The following ASCC2 variants were observed in gnomAD, a reference collection of about 807,000 sequenced individuals.
ASCC2 encodes ASC-1 complex subunit P100.
ASCC2 carries 42 observed loss-of-function variants against 93.5 expected under a neutral mutation model. The observed-to-expected ratio is 0.45, with a 90% CI of 0.35 to 0.58. The LOEUF is 0.58. ASCC2 is among the 20% of genes least tolerant of loss of function. ASCC2 has a pLI of 0.00. For synonymous variants in ASCC2, 364 were observed against 384.2 expected, an observed-to-expected ratio of 0.95 and a Z score of 0.62; for missense variants, 859 against 977.6, an observed-to-expected ratio of 0.88 and a Z score of 1.62.
At chr22:29,837,786 C>T (rs1264742710) in intron 1 of ASCC2, among the ~76,000 whole-genome samples, 1 of 152,240 alleles carries the variant, frequency 6.6e-6, no homozygotes, top group African/African-American at 2.4e-5. Context: ...ACCATCTCCT[C>T]CCACTAGACT....
In ASCC2 at chr22:29,802,178, C is replaced by A; in HGVS notation, c.1384G>T (p.Ala462Ser). Residue 462 changes from alanine to serine, a missense_variant, in exon 14 of 20, where the codon GCC becomes TCC. Physicochemically the swap from Ala to Ser is moderately conservative, Grantham distance 99. Transcript: ENST00000307790. ...GAGTCCAGTTCCACCCCACACATGG[C>A]AGGGCCCACAGCCGCGGCTGCTCCC... ...CMGAAAAVGP[A>S]MCGVELDSLI... 6.2e-7 allele frequency: 1 copy of A among 1,614,212 alleles called. No homozygotes were observed.
intron 13 of ASCC2, among the ~76,000 whole-genome samples, chr22:29,802,495 A>C (rs1247821334): frequency 1.3e-5 from 2 of 148,574 alleles, no homozygotes; most frequent in Non-Finnish European, 3.0e-5. Context: ...AAATAAACAA[A>C]AAAAAAAAAT....
At chr22:29,810,334 G>A (rs936436070) in intron 8 of ASCC2, 11 of 152,206 alleles carry the variant, frequency 7.2e-5, no homozygotes, top group African/African-American at 1.7e-4. Flanking sequence ...TCCCAAAGCC[G>A]GAACTGCAGC....
chr22:29,807,014 G>A (rs751325461), intron 9 of ASCC2, 110 bp from the exon 10 acceptor site: 31 of 768,096 alleles, frequency 4.0e-5, no homozygotes, highest in Non-Finnish European at 6.2e-5. Context: ...TGAGGTGGGA[G>A]GATCACTTGA....
chr22:29,798,882 T>C (rs1028475136), intron 15 of ASCC2, among the ~76,000 whole-genome samples: 3 of 152,230 alleles, frequency 2.0e-5, no homozygotes, highest in African/African-American at 7.2e-5. Flanking sequence ...GAATAAATAA[T>C]GAACACATGA....
chr22:29,801,047 C>T lies in ASCC2; in HGVS notation c.1632G>A (p.Glu544=), dbSNP rs200961044. ...TSRHNVFQND[E]FDVFSRDSVD... ...CTGAGTCCCTGCTGAACACATCAAA[C>T]TCGTCATTCTGGAAGACGTTGTGGC... Residue 544 remains glutamate (E), a synonymous_variant, in exon 15 of 20, where the codon GAG becomes GAA. Coordinates refer to ENST00000307790, the MANE Select transcript of ASCC2 (RefSeq NM_032204.5). The T allele has an allele frequency of 6.2e-7, 1 of 1,610,032 alleles. No homozygotes were observed. Among genetic ancestry groups the T allele is most frequent in the African/African-American group, 1.3e-5 (1 of 74,974 alleles).
intron 8 of ASCC2, 34 bp downstream of exon 8, chr22:29,813,396 A>T (rs2060497161): frequency 7.3e-7 from 1 of 1,371,188 alleles, no homozygotes. Flanking sequence ...ATAAGCCAGT[A>T]TCTCTATTTC....
intron 1 of ASCC2, 72 bp from the exon 2 acceptor site, chr22:29,832,414 G>T: frequency 1.7e-6 from 2 of 1,189,038 alleles, no homozygotes. Flanking sequence ...CTCTGGGGCT[G>T]ATCCCAGAGT....
In ASCC2 at chr22:29,797,394, C is replaced by T. The variant is rs2058572559; in HGVS notation, c.1688+3597G>A. ...ACTTCTAAAGAGCCTGTGGAAGCAA[C>T]AGACTCCTACTTTTCCAGGTGAAGA... On this transcript the variant is annotated intron_variant, in intron 15 of 19. Coordinates refer to ENST00000307790, the MANE Select transcript of ASCC2 (RefSeq NM_032204.5). 2.0e-5 allele frequency among the ~76,000 whole-genome samples: 3 copies of T among 152,298 alleles called. No homozygotes were observed. In the South Asian group the frequency reaches 6.2e-4, roughly 32 times the overall value.
chr22:29,819,872 G>A (rs760307095), intron 5 of ASCC2, among the ~76,000 whole-genome samples: 9 of 152,054 alleles, frequency 5.9e-5, no homozygotes, highest in Non-Finnish European at 1.2e-4. Flanking sequence ...CTTAGTCAGG[G>A]TCTAAGAGAC....
chr22:29,825,021 G>T lies in ASCC2; in HGVS notation c.411+66C>A. The stretch of plus-strand genomic sequence containing the variant: ...TGCTTCCAGAGCCTTCCTTCCCAGG[G>T]GTGGAGAGCCCGGCACAGAGGTGTC... On this transcript the variant is annotated intron_variant, in intron 4 of 19. Transcript: ENST00000307790. This position sits in a 1 kb window ranked among gnomAD's most constrained non-coding sequence, Gnocchi z 4.9. 2 of 1,291,384 alleles carry T rather than the reference G, an allele frequency of 1.5e-6. No individual in the cohort carries two copies. Among genetic ancestry groups the T allele is most frequent in the Middle Eastern group, 2.0e-4 (1 of 4,938 alleles). 80.0% of individuals were successfully genotyped at this position (1,291,384 alleles called of 1,614,324 possible). A position where few individuals can be genotyped will look rare whatever the true frequency, so the allele number is the denominator to read the frequency against.
intron 8 of ASCC2, 143 bp from the exon 9 acceptor site, chr22:29,808,328 G>T: frequency 1.2e-6 from 1 of 819,674 alleles, no homozygotes; most frequent in Non-Finnish European, 1.9e-6. Context: ...GTTCTTCCCT[G>T]AGCTCACCCC....
chr22:29,804,896 C>T, intron 12 of ASCC2, 66 bp from the exon 13 acceptor site: 1 of 1,540,962 alleles, frequency 6.5e-7, no homozygotes, highest in South Asian at 1.2e-5. Flanking sequence ...TTTCTCAGTC[C>T]CTCCCCAGCA....
rs1187800978 is a variant in ASCC2 at position 29,788,844 on chromosome 22, C to A, written c.*169G>T. On this transcript the variant is annotated 3_prime_UTR_variant, in exon 20 of 20. Transcript: ENST00000307790. ...AGGCACTGTGTGTTCTGCAGGAAGGCGCTCATGGCTGGCTGGTAGATGAGA... is the reference window on the plus strand; with the variant it reads ...AGGCACTGTGTGTTCTGCAGGAAGGAGCTCATGGCTGGCTGGTAGATGAGA... The A allele has an allele frequency of 5.3e-5, 40 of 760,390 alleles. No individual in the cohort carries two copies. In the East Asian group the frequency reaches 1.0e-3, roughly 20 times the overall value. The allele number at this position is 760,390 out of a possible 1,614,324, so 47.1% of individuals were successfully genotyped here. A position where few individuals can be genotyped will look rare whatever the true frequency, so the allele number is the denominator to read the frequency against.
intron 15 of ASCC2, among the ~76,000 whole-genome samples, chr22:29,793,901 G>GTT (rs1266418835): frequency 5.6e-4 from 78 of 140,134 alleles, no homozygotes; most frequent in African/African-American, 1.8e-3. Context: ...AAGAGCCACT[G>GTT]TTTTTTTTTT....
chr22:29,834,705 C>T (rs1477135421), intron 1 of ASCC2, among the ~76,000 whole-genome samples: 4 of 152,102 alleles, frequency 2.6e-5, no homozygotes, highest in African/African-American at 4.8e-5. Context: ...TTAAGGACAA[C>T]AAGGATTACC....
chr22:29,806,468 A>C lies in ASCC2; in HGVS notation c.1085+17T>G. ...TGTGGGAGGGTCATGGGCCCAGGCC[A>C]GCTCAGCCACACTCACCTCTTCTCC... On this transcript the variant is annotated intron_variant, in intron 11 of 19. Transcript: ENST00000307790. The C allele has an allele frequency of 2.5e-6, 4 of 1,613,372 alleles. No homozygotes were observed. Among genetic ancestry groups the C allele is most frequent in the Non-Finnish European group, 3.4e-6 (4 of 1,179,464 alleles).
chr22:29,821,978 G>A (rs1205977560), intron 5 of ASCC2: 3 of 446,566 alleles, frequency 6.7e-6, no homozygotes, highest in Admixed American at 5.0e-5. Context: ...TTGCCTGAGT[G>A]ACAGAGCAAG....
chr22:29,834,859 T>C (rs2063582907), intron 1 of ASCC2, among the ~76,000 whole-genome samples: 1 of 152,158 alleles, frequency 6.6e-6, no homozygotes, highest in South Asian at 2.1e-4. Flanking sequence ...ATAATTTTTT[T>C]TTCTAACCCT....
Sources: allele counts gnomAD v4.1 joint callset (sites outside exome capture counted in the v4.1 genomes callset), GRCh38; gene constraint gnomAD v4.1.1; non-coding constraint Gnocchi (gnomAD v3.1); transcripts MANE v1.5; gene names NCBI Gene and HGNC (gene_info 2026-07-23, HGNC 2026-07-21).